COL23A1: variants seen among roughly 807,000 people sequenced by gnomAD.
COL23A1 encodes the protein collagen type XXIII alpha 1 chain, also known as collagen alpha-1(XXIII) chain.
In COL23A1, 97 loss-of-function variants were observed where a neutral mutation model predicts 99.3. The observed-to-expected ratio is 0.98, with a 90% CI of 0.83 to 1.16. COL23A1 has a LOEUF of 1.16. COL23A1 is among the 50% of genes most tolerant of loss of function. The probability of loss-of-function intolerance (pLI) is 0.00; values close to 1 mark genes in which losing one functional copy is unlikely to be tolerated. For missense variants in COL23A1, 762 were observed against 757.4 expected, an observed-to-expected ratio of 1.01 and a Z score of -0.07; for synonymous variants, 320 against 308.2, an observed-to-expected ratio of 1.04 and a Z score of -0.40.
At chr5:178,460,101 G>C (rs900628398) in intron 2 of COL23A1, among the ~76,000 whole-genome samples, 3 of 152,022 alleles carry the variant, frequency 2.0e-5, no homozygotes, top group Non-Finnish European at 2.9e-5. Flanking sequence ...ATTTGTTAGG[G>C]AAAGCCCAGC....
At chr5:178,558,120 T>C (rs262017) in intron 2 of COL23A1, among the ~76,000 whole-genome samples, 86,005 of 150,456 alleles carry the variant, frequency 0.57, 27,996 homozygotes, top group African/African-American at 0.88. Context: ...AGCCCTTCAG[T>C]CCCCCATGGT....
chr5:178,268,435 C>T (rs1267500008), intron 7 of COL23A1, among the ~76,000 whole-genome samples: 8 of 152,220 alleles, frequency 5.3e-5, no homozygotes, highest in Non-Finnish European at 1.2e-4. Flanking sequence ...CCCCCTTCAC[C>T]ATGAAGTCCT....
intron 2 of COL23A1, among the ~76,000 whole-genome samples, chr5:178,490,784 A>G (rs1757891396): frequency 6.6e-6 from 1 of 152,166 alleles, no homozygotes; most frequent in Non-Finnish European, 1.5e-5. Context: ...CTCAAAAGAA[A>G]AAAAGATTTA....
At chr5:178,301,456 G>A (rs114738083) in intron 3 of COL23A1, among the ~76,000 whole-genome samples, 3,816 of 152,186 alleles carry the variant, frequency 0.025, 147 homozygotes, top group African/African-American at 0.088. Context: ...TCTATTGACT[G>A]TACTTTTTCC....
chr5:178,328,367 C>T (rs1018802819), intron 2 of COL23A1, among the ~76,000 whole-genome samples: 1 of 152,190 alleles, frequency 6.6e-6, no homozygotes, highest in African/African-American at 2.4e-5. Flanking sequence ...CTAACACTAG[C>T]CAGGCCAGTC....
chr5:178,570,337 G>T (rs1763030869), intron 1 of COL23A1, among the ~76,000 whole-genome samples: 1 of 152,030 alleles, frequency 6.6e-6, no homozygotes, highest in Non-Finnish European at 1.5e-5. Context: ...TCAAACTCCT[G>T]AGCTCAAGTG....
At chr5:178,570,798 C>G (rs756235009) in intron 1 of COL23A1, among the ~76,000 whole-genome samples, 1 of 152,138 alleles carries the variant, frequency 6.6e-6, no homozygotes, top group Non-Finnish European at 1.5e-5. Context: ...GAATTGAAGA[C>G]ATGGAGCTGA....
intron 2 of COL23A1, among the ~76,000 whole-genome samples, chr5:178,553,396 A>C (rs2113494906): frequency 6.6e-6 from 1 of 152,310 alleles, no homozygotes; most frequent in South Asian, 2.1e-4. Context: ...TCCTCTACGC[A>C]AACTGCCAAA....
chr5:178,244,820 T>A (rs1331058569), intron 25 of COL23A1, among the ~76,000 whole-genome samples: 1 of 147,316 alleles, frequency 6.8e-6, no homozygotes, highest in Non-Finnish European at 1.5e-5. Flanking sequence ...AATACTTCCC[T>A]TCCTCTTCTT....
intron 5 of COL23A1, among the ~76,000 whole-genome samples, chr5:178,285,999 G>T (rs899218083): frequency 7.2e-5 from 11 of 152,324 alleles, no homozygotes; most frequent in Non-Finnish European, 1.6e-4. Context: ...GTGAGAACGA[G>T]GGGTCTGGAG....
intron 2 of COL23A1, among the ~76,000 whole-genome samples, chr5:178,551,111 G>A (rs1761972753): frequency 6.7e-6 from 1 of 149,564 alleles, no homozygotes; most frequent in African/African-American, 2.4e-5. Context: ...GAACTTTTGT[G>A]TGCTTTCTAG....
At chr5:178,580,230 A>G (rs2113715064) in intron 1 of COL23A1, among the ~76,000 whole-genome samples, 1 of 152,206 alleles carries the variant, frequency 6.6e-6, no homozygotes, top group South Asian at 2.1e-4. Context: ...CCAGAGGCTG[A>G]GGCAGTAGAA....
At chr5:178,259,900 G>A (rs955661368) in intron 11 of COL23A1, among the ~76,000 whole-genome samples, 153 bp from the exon 12 acceptor site, 9 of 152,164 alleles carry the variant, frequency 5.9e-5, no homozygotes, top group East Asian at 1.9e-4. Context: ...GAGCTGCGGC[G>A]GACAGTCTTG....
intron 2 of COL23A1, among the ~76,000 whole-genome samples, chr5:178,449,052 A>ATC: frequency 6.6e-6 from 1 of 152,248 alleles, no homozygotes; most frequent in Non-Finnish European, 1.5e-5. Context: ...GCTGGAGTGC[A>ATC]GTGTTACGAT....
At chr5:178,576,950 C>G (rs1554200002) in intron 1 of COL23A1, among the ~76,000 whole-genome samples, 1 of 151,818 alleles carries the variant, frequency 6.6e-6, no homozygotes, top group Non-Finnish European at 1.5e-5. Flanking sequence ...GACGTCTTCC[C>G]CGCTGCGCCC....
At chr5:178,398,973 G>C (rs559232423) in intron 2 of COL23A1, among the ~76,000 whole-genome samples, 2 of 152,228 alleles carry the variant, frequency 1.3e-5, no homozygotes, top group Admixed American at 6.5e-5. Flanking sequence ...TGCATTCTGC[G>C]TCACTCCGGG....
intron 7 of COL23A1, among the ~76,000 whole-genome samples, chr5:178,267,940 C>A (rs1427383550): frequency 6.6e-6 from 1 of 152,122 alleles, no homozygotes; most frequent in Non-Finnish European, 1.5e-5. Flanking sequence ...GAGGCCCACA[C>A]AGCCCGGCAA....
At chr5:178,446,554 T>A (rs889919510) in intron 2 of COL23A1, among the ~76,000 whole-genome samples, 1 of 152,138 alleles carries the variant, frequency 6.6e-6, no homozygotes, top group Non-Finnish European at 1.5e-5. Flanking sequence ...ATTTTTTTTC[T>A]ATATACATTT....
intron 2 of COL23A1, among the ~76,000 whole-genome samples, chr5:178,379,203 CA>C (rs1454456723): frequency 3.3e-5 from 5 of 151,584 alleles, no homozygotes; most frequent in Non-Finnish European, 7.4e-5. Context: ...AAAAAACAAA[CA>C]AACCAGAAAG....
Sources: gnomAD v4.1 joint callset for allele counts (sites outside exome capture counted in the v4.1 genomes callset) on GRCh38, gnomAD v4.1.1 for gene constraint, MANE v1.5 for transcripts, NCBI Gene and HGNC (gene_info 2026-07-23, HGNC 2026-07-21) for gene names.